The following SPATA6 variants were observed in gnomAD, a reference collection of about 807,000 sequenced individuals.
SPATA6 encodes spermatogenesis associated 6.
SPATA6 carries 56 observed loss-of-function variants against 65.3 expected under a neutral mutation model. The observed-to-expected ratio is 0.86, with a 90% confidence interval of 0.69 to 1.07. SPATA6 has a LOEUF of 1.07. Among genes scored for constraint, SPATA6 ranks in the 50% least tolerant of loss-of-function variants. SPATA6 has a pLI of 0.00. For synonymous variants in SPATA6, 199 were observed against 213.2 expected, an observed-to-expected ratio of 0.93 and a Z score of 0.58; for missense variants, 590 against 594.8, an observed-to-expected ratio of 0.99 and a Z score of 0.08.
chr1:48,410,265 G>T (rs1371060326), intron 5 of SPATA6, among the ~76,000 whole-genome samples: 1 of 152,304 alleles, frequency 6.6e-6, no homozygotes, highest in East Asian at 1.9e-4. Flanking sequence ...CTAAAGCATA[G>T]CAAGAGTCAC....
At chr1:48,403,630 T>C (rs1651396234) in intron 6 of SPATA6, among the ~76,000 whole-genome samples, 172 bp downstream of exon 6, 1 of 152,158 alleles carries the variant, frequency 6.6e-6, no homozygotes, top group African/African-American at 2.4e-5. Context: ...CATTCTCACA[T>C]TTACTAACAT....
At chr1:48,317,375 T>C (rs978369516) in intron 11 of SPATA6, among the ~76,000 whole-genome samples, 6 of 152,236 alleles carry the variant, frequency 3.9e-5, no homozygotes, top group African/African-American at 1.4e-4. Context: ...ATGTCCTTTG[T>C]AGGGACATGG....
intron 10 of SPATA6, among the ~76,000 whole-genome samples, chr1:48,358,701 C>T (rs1646725432): frequency 6.6e-6 from 1 of 152,070 alleles, no homozygotes. Flanking sequence ...TGTGTGCGCA[C>T]CTATGTTAAC....
At chr1:48,405,267 A>T (rs540017019) in intron 5 of SPATA6, among the ~76,000 whole-genome samples, 3 of 152,226 alleles carry the variant, frequency 2.0e-5, no homozygotes, top group Admixed American at 1.3e-4. Flanking sequence ...CTTCATAGTG[A>T]TATCTGTGAT....
At chr1:48,284,054 T>G in the SPATA6 span, among the ~76,000 whole-genome samples, 1 of 152,138 alleles carries the variant, frequency 6.6e-6, no homozygotes, top group Non-Finnish European at 1.5e-5. Context: ...TCCCTGTCAC[T>G]TTCAGGTACA....
At chr1:48,450,029 A>AT (rs1412057027) in intron 3 of SPATA6, among the ~76,000 whole-genome samples, 26 of 149,518 alleles carry the variant, frequency 1.7e-4, no homozygotes, top group Admixed American at 1.1e-3. Context: ...AAACTCGCTC[A>AT]TTTTTTTTTT....
At chr1:48,384,350 CAGGGAGAGGGAGAGGGAG>C (rs769342177) in intron 9 of SPATA6, among the ~76,000 whole-genome samples, 2,589 of 21,250 alleles carry the variant, frequency 0.12, 473 homozygotes, top group African/African-American at 0.2. Flanking sequence ...GGGACAGGGA[CAGGGAGAGGGAGAGGGAG>C]AGGGAGAGGG....
At chr1:48,287,824 G>A in the SPATA6 span, among the ~76,000 whole-genome samples, 18 of 152,296 alleles carry the variant, frequency 1.2e-4, no homozygotes, top group South Asian at 3.7e-3. Context: ...AACACACTGG[G>A]ACTTCCAGTA....
At chr1:48,315,754 C>A (rs189012553) in intron 11 of SPATA6, among the ~76,000 whole-genome samples, 77 of 152,308 alleles carry the variant, frequency 5.1e-4, no homozygotes, top group Middle Eastern at 3.4e-3. Flanking sequence ...CAAATTGTCC[C>A]TGTTTGCAGC....
At chr1:48,329,483 A>G (rs2148725255) in intron 11 of SPATA6, among the ~76,000 whole-genome samples, 1 of 152,352 alleles carries the variant, frequency 6.6e-6, no homozygotes, top group Middle Eastern at 3.4e-3. Flanking sequence ...AAAATGAACA[A>G]ATTCTTAAAA....
intron 3 of SPATA6, among the ~76,000 whole-genome samples, chr1:48,422,659 A>C (rs758519883): frequency 5.4e-4 from 82 of 152,326 alleles, no homozygotes; most frequent in Admixed American, 2.4e-3. Flanking sequence ...AAACAAATAA[A>C]AAGCAAACAT....
chr1:48,359,871 GCA>G lies in SPATA6; in HGVS notation c.910-103_910-102del, dbSNP rs142011220. On this transcript the variant is annotated intron_variant, in intron 9 of 12. Transcript: ENST00000371847. ...GTATGCATAGTAGTCATATGCATGT[GCA>G]CACACACACTAATTTTATAAAAGTA... The G allele has an allele frequency of 2.6e-3, 2,120 of 817,620 alleles. 43 individuals are homozygous for G. In the African/African-American group the frequency reaches 0.034, roughly 13 times the overall value. The allele number at this position is 817,620 out of a possible 1,614,324, so 50.6% of individuals were successfully genotyped here. A position where few individuals can be genotyped will look rare whatever the true frequency, so the allele number is the denominator to read the frequency against.
At chr1:48,397,578 C>G (rs535915435) in intron 7 of SPATA6, among the ~76,000 whole-genome samples, 1 of 151,724 alleles carries the variant, frequency 6.6e-6, no homozygotes, top group Admixed American at 6.6e-5. Flanking sequence ...ATACCATGTA[C>G]ATTGACTACA....
At chr1:48,438,396 C>A (rs773208424) in intron 3 of SPATA6, among the ~76,000 whole-genome samples, 1 of 152,174 alleles carries the variant, frequency 6.6e-6, no homozygotes, top group Non-Finnish European at 1.5e-5. Context: ...AAGCGACTAG[C>A]GCAGCCGCCG....
At chr1:48,283,697 A>AGAAAAAAAGAAAG in the SPATA6 span, among the ~76,000 whole-genome samples, 1 of 12,002 alleles carries the variant, frequency 8.3e-5, no homozygotes, top group Non-Finnish European at 2.3e-4. Context: ...AAAAAAAAAA[A>AGAAAAAAAGAAAG]AAAGAAAGAA....
At chr1:48,416,501 A>T (rs575645930) in intron 3 of SPATA6, among the ~76,000 whole-genome samples, 1 of 152,340 alleles carries the variant, frequency 6.6e-6, no homozygotes, top group South Asian at 2.1e-4. Context: ...ATGTATGTGT[A>T]TATATGTACA....
At chr1:48,266,035 G>A in the SPATA6 span, among the ~76,000 whole-genome samples, 2 of 152,254 alleles carry the variant, frequency 1.3e-5, no homozygotes, top group East Asian at 3.9e-4. Flanking sequence ...AACATTTCTA[G>A]TAGAGCTGCT....
chr1:48,279,160 C>T, the SPATA6 span, among the ~76,000 whole-genome samples: 15 of 152,110 alleles, frequency 9.9e-5, no homozygotes, highest in African/African-American at 3.4e-4. Flanking sequence ...CAGGCCTGCC[C>T]TAAAAGAGCT....
chr1:48,288,393 C>A, the SPATA6 span, among the ~76,000 whole-genome samples: 4 of 152,326 alleles, frequency 2.6e-5, no homozygotes, highest in African/African-American at 9.6e-5. Flanking sequence ...ACAGGAACAG[C>A]TCCAGTCTAC....
Sources: gnomAD v4.1 joint callset for allele counts (sites outside exome capture counted in the v4.1 genomes callset) on GRCh38, gnomAD v4.1.1 for gene constraint, MANE v1.5 for transcripts, NCBI Gene and HGNC (gene_info 2026-07-23, HGNC 2026-07-21) for gene names.